The following CAMK1D variants were observed in gnomAD, a reference collection of about 807,000 sequenced individuals.
CAMK1D encodes the protein calcium/calmodulin-dependent protein kinase type 1D.
A neutral mutation model predicts 47.7 loss-of-function variants in CAMK1D; 9 were observed. The ratio of observed to expected loss-of-function variants is 0.19; its 90% confidence interval spans 0.11 to 0.33. The LOEUF (loss-of-function observed/expected upper bound fraction) is 0.33, where lower values mean the gene tolerates loss of function less well. CAMK1D is among the 10% of genes least tolerant of loss of function. The probability of loss-of-function intolerance (pLI) is 1.00; values close to 1 mark genes in which losing one functional copy is unlikely to be tolerated. For missense variants in CAMK1D, 291 were observed against 488.7 expected, an observed-to-expected ratio of 0.60 and a Z score of 3.81; for synonymous variants, 184 against 184.9, an observed-to-expected ratio of 0.99 and a Z score of 0.04.
At chr10:12,523,078 G>A (rs1309272735) in intron 1 of CAMK1D, among the ~76,000 whole-genome samples, 1 of 151,696 alleles carries the variant, frequency 6.6e-6, no homozygotes, top group Non-Finnish European at 1.5e-5. Flanking sequence ...CGGGGCGGCT[G>A]CCGGGTGGAG....
chr10:12,733,090 C>T (rs1834970023), intron 3 of CAMK1D, among the ~76,000 whole-genome samples: 1 of 152,170 alleles, frequency 6.6e-6, no homozygotes, highest in Admixed American at 6.5e-5. Context: ...TGTGCGAGAC[C>T]CTGTGCCTCC....
chr10:12,618,909 C>G lies in CAMK1D; in HGVS notation c.225-47827C>G, dbSNP rs554096203. ...TTCTGTTTTACTGTTAAAGAAAAGG[C>G]AGTTCAGAGTGGCTAAGTAAATTGC... On this transcript the variant is annotated intron_variant, in intron 2 of 10. Transcript: ENST00000619168. Among the ~76,000 whole-genome samples, 6 of 152,300 alleles carry G rather than the reference C, an allele frequency of 3.9e-5. No individual in the cohort carries two copies. The South Asian group carries it at 1.2e-3, about 32-fold the overall frequency.
At chr10:12,350,571 GC>G (rs2131826199) in intron 1 of CAMK1D, among the ~76,000 whole-genome samples, 1 of 152,052 alleles carries the variant, frequency 6.6e-6, no homozygotes, top group South Asian at 2.1e-4. Context: ...CGCGGGCGGT[GC>G]TCTCTCCGGG....
intron 3 of CAMK1D, among the ~76,000 whole-genome samples, chr10:12,722,663 C>A (rs1834446357): frequency 6.6e-6 from 1 of 152,108 alleles, no homozygotes; most frequent in African/African-American, 2.4e-5. Context: ...TTCTTCCCCT[C>A]CGGCCTACCA....
intron 8 of CAMK1D, among the ~76,000 whole-genome samples, chr10:12,820,287 G>A (rs1453262322): frequency 6.6e-6 from 1 of 152,202 alleles, no homozygotes; most frequent in East Asian, 1.9e-4. Flanking sequence ...ATCCCAAAGT[G>A]CTGGGATTAC....
intron 3 of CAMK1D, among the ~76,000 whole-genome samples, chr10:12,681,177 G>C (rs1239426604): frequency 2.6e-5 from 4 of 152,222 alleles, no homozygotes; most frequent in African/African-American, 9.6e-5. Flanking sequence ...CTCTAGAGTG[G>C]TGTTCCCCAG....
In CAMK1D at chr10:12,698,673, A is replaced by ATTT. The variant is rs573723767; in HGVS notation, c.299+31879_299+31881dup. On this transcript the variant is annotated intron_variant, in intron 3 of 10. Transcript: ENST00000619168. ...GAAGAAAAATGATGCCCTTTAAAGA[A>ATTT]TTTTTTTTTTTTTTTTTTGAGACGG... is the stretch of plus-strand genomic sequence containing the variant. 3.6e-4 allele frequency among the ~76,000 whole-genome samples: 37 copies of ATTT among 103,918 alleles called. 1 individual carries two copies. Among genetic ancestry groups the ATTT allele is most frequent in the African/African-American group, 1.3e-3 (36 of 28,272 alleles). The allele number at this position is 103,918 out of a possible 152,430, so 68.2% of individuals were successfully genotyped here.
At chr10:12,417,668 G>T (rs528050482) in intron 1 of CAMK1D, among the ~76,000 whole-genome samples, 84 of 152,296 alleles carry the variant, frequency 5.5e-4, no homozygotes, top group African/African-American at 1.8e-3. Flanking sequence ...GCTGGGGGAG[G>T]CCCGAGGCTG....
At chr10:12,705,673 G>A (rs11257948) in intron 3 of CAMK1D, among the ~76,000 whole-genome samples, 42,622 of 152,020 alleles carry the variant, frequency 0.28, 6,125 homozygotes, top group East Asian at 0.33. Context: ...CAGAAACAAA[G>A]GACATTGCCC....
At chr10:12,396,281 G>T (rs1273507607) in intron 1 of CAMK1D, among the ~76,000 whole-genome samples, 1 of 152,192 alleles carries the variant, frequency 6.6e-6, no homozygotes, top group African/African-American at 2.4e-5. Context: ...CGCTGCTGGT[G>T]TCCTGTCTTC....
At chr10:12,557,567 AAAAG>A (rs1462119915) in intron 2 of CAMK1D, among the ~76,000 whole-genome samples, 8 of 151,908 alleles carry the variant, frequency 5.3e-5, no homozygotes, top group African/African-American at 1.9e-4. Flanking sequence ...AAAAAAAAAA[AAAAG>A]AAAAAAGAAA....
chr10:12,481,806 C>G (rs1834073533), intron 1 of CAMK1D, among the ~76,000 whole-genome samples: 1 of 152,174 alleles, frequency 6.6e-6, no homozygotes, highest in African/African-American at 2.4e-5. Context: ...CCACGCCTGG[C>G]CTAAACTCTT....
chr10:12,755,602 G>C (rs1051408062), intron 3 of CAMK1D, among the ~76,000 whole-genome samples: 4 of 152,100 alleles, frequency 2.6e-5, no homozygotes, highest in Non-Finnish European at 5.9e-5. Flanking sequence ...GGTTGAACTA[G>C]TTTACAGTCC....
intron 2 of CAMK1D, among the ~76,000 whole-genome samples, chr10:12,649,022 A>G (rs1277385523): frequency 6.6e-6 from 1 of 151,972 alleles, no homozygotes; most frequent in African/African-American, 2.4e-5. Flanking sequence ...ACCCACCACC[A>G]TGCTCAGCTA....
rs1833389991 is a variant in CAMK1D, at chr10:12,829,909, G to C, written c.*1022G>C. On this transcript the variant is annotated 3_prime_UTR_variant, in exon 11 of 11. Coordinates refer to ENST00000619168, the MANE Select transcript of CAMK1D (RefSeq NM_153498.4). Reference sequence around the variant, plus strand: ...GGTAGAGAATCTGCACAGAGCCTTTGCTGGCAACCCATCCAGCAGAACCCA... The same window carrying C: ...GGTAGAGAATCTGCACAGAGCCTTTCCTGGCAACCCATCCAGCAGAACCCA... 1 of 152,072 alleles carries C rather than the reference G, an allele frequency of 6.6e-6. No individual in the cohort carries two copies. The highest frequency in any genetic ancestry group is 1.5e-5 in the Non-Finnish European group (1 of 68,054). 9.4% of individuals were successfully genotyped at this position (152,072 alleles called of 1,614,324 possible). A position where few individuals can be genotyped will look rare whatever the true frequency, so the allele number is the denominator to read the frequency against.
chr10:12,349,727 G>A lies in CAMK1D; in HGVS notation c.-92G>A. The A allele has an allele frequency of 3.5e-6, 1 of 287,018 alleles. No individual in the cohort carries two copies. Among genetic ancestry groups the A allele is most frequent in the Non-Finnish European group, 5.6e-6 (1 of 179,272 alleles). 17.8% of individuals were successfully genotyped at this position (287,018 alleles called of 1,614,324 possible). ...AGCTGCGCCGCAGCCCGAGCCGCCC[G>A]GCATCCCCGCCGCCTCTGCGCCCGC... On this transcript the variant is annotated 5_prime_UTR_variant, in exon 1 of 11. Coordinates refer to ENST00000619168, the MANE Select transcript of CAMK1D (RefSeq NM_153498.4).
rs577837527 is a variant in CAMK1D, at chr10:12,542,782, G to A, written c.93-10443G>A. On this transcript the variant is annotated intron_variant, in intron 1 of 10. Coordinates refer to ENST00000619168, the MANE Select transcript of CAMK1D (RefSeq NM_153498.4). ...TTTTGAGACCGAGTCTCGCTCTGTC[G>A]CCCAGGCTGGAGTGCAGCAGTGTGA... Among the ~76,000 whole-genome samples the A allele has an allele frequency of 2.7e-4, 41 of 152,052 alleles. No individual in the cohort carries two copies. The East Asian group carries it at 7.0e-3, about 26-fold the overall frequency.
intron 1 of CAMK1D, among the ~76,000 whole-genome samples, chr10:12,431,899 C>T (rs1832489122): frequency 1.3e-5 from 2 of 152,256 alleles, no homozygotes; most frequent in African/African-American, 4.8e-5. Flanking sequence ...CCTGGCGTCA[C>T]AGTTCCTCCA....
At chr10:12,419,998 C>T (rs1487903459) in intron 1 of CAMK1D, among the ~76,000 whole-genome samples, 3 of 150,968 alleles carry the variant, frequency 2.0e-5, no homozygotes, top group Admixed American at 6.6e-5. Context: ...CTTGCTCTGT[C>T]GCCCAGGCTG....
Sources: allele counts gnomAD v4.1 joint callset (sites outside exome capture counted in the v4.1 genomes callset), GRCh38; gene constraint gnomAD v4.1.1; transcripts MANE v1.5; gene names NCBI Gene and HGNC (gene_info 2026-07-23, HGNC 2026-07-21).